Variants in WRN observed in about 807,000 individuals in gnomAD.
The protein encoded by WRN is WRN RecQ like helicase.
WRN carries 149 observed loss-of-function variants against 180.7 expected under a neutral mutation model. That is an observed-to-expected ratio of 0.82 (90% CI 0.72 to 0.94). The LOEUF (loss-of-function observed/expected upper bound fraction) is 0.94. WRN is among the 40% of genes least tolerant of loss of function. The pLI is 0.00. For synonymous variants in WRN, 548 were observed against 568.9 expected (o/e 0.96, Z 0.52); for missense variants, 1,661 against 1,700.1 (o/e 0.98, Z 0.40).
chr8:31,036,055 A>G lies in WRN; in HGVS notation c.-77+2082A>G, dbSNP rs1362608105. On this transcript the variant is annotated intron_variant, in intron 1 of 34. Transcript: ENST00000298139. Reference sequence around the variant, plus strand: ...CCCAGCCTCTGGTAATCACCATTCTACTTACTACCTCAATGACATCAAATT... The same window carrying G: ...CCCAGCCTCTGGTAATCACCATTCTGCTTACTACCTCAATGACATCAAATT... Among the ~76,000 whole-genome samples the G allele has an allele frequency of 3.9e-5, 6 of 152,194 alleles. No homozygotes were observed. The South Asian group carries it at 6.2e-4, about 16-fold the overall frequency.
intron 3 of WRN, among the ~76,000 whole-genome samples, chr8:31,061,859 C>G (rs896157979): frequency 1.6e-4 from 24 of 152,278 alleles, no homozygotes; most frequent in Admixed American, 1.5e-3. Context: ...GTTGTTTGCC[C>G]AGCCCCATAG....
At position 31,174,232 on chromosome 8, in the gene WRN, CAT is replaced by C. The variant is rs1048212888; in HGVS notation, c.*1131_*1132del. Reference sequence around the variant, plus strand: ...AATATGTGATATGTTGTTGTCCAGCCATGGCTTCTGCATTTGCATGCTTTTGT... The same window carrying C: ...AATATGTGATATGTTGTTGTCCAGCCGGCTTCTGCATTTGCATGCTTTTGT... On this transcript the variant is annotated 3_prime_UTR_variant, in exon 35 of 35. Transcript: ENST00000298139. 9.5e-4 allele frequency among the ~76,000 whole-genome samples: 144 copies of C among 152,318 alleles called. 2 individuals are homozygous for C. The highest frequency in any genetic ancestry group is 3.4e-3 in the African/African-American group (142 of 41,566).
chr8:31,054,737 A>G (rs79687893), intron 1 of WRN, among the ~76,000 whole-genome samples: 3,434 of 152,250 alleles, frequency 0.023, 116 homozygotes, highest in African/African-American at 0.076. Context: ...ATGTTTTTTA[A>G]AAACATTAAT....
chr8:31,064,982 A>G lies in WRN; in HGVS notation c.423A>G (p.Glu141=). ...KAVKKAGVGI[E]GDQWKLLRDF... The stretch of plus-strand genomic sequence containing the variant: ...TTAAAAAGGCAGGTGTAGGAATTGA[A>G]GGAGATCAGTGGAAACTTCTACGTG... Residue 141 remains glutamate (E), a synonymous_variant, in exon 5 of 35, where the codon GAA becomes GAG. Transcript: ENST00000298139. The G allele has an allele frequency of 6.2e-7, 1 of 1,613,722 alleles. No individual in the cohort carries two copies. The highest frequency in any genetic ancestry group is 8.5e-7 in the Non-Finnish European group (1 of 1,179,772).
intron 20 of WRN, among the ~76,000 whole-genome samples, chr8:31,117,504 A>T (rs1801568075): frequency 6.6e-6 from 1 of 152,162 alleles, no homozygotes; most frequent in Non-Finnish European, 1.5e-5. Flanking sequence ...AGTGGGTGTC[A>T]TAGAGGATTT....
intron 30 of WRN, among the ~76,000 whole-genome samples, chr8:31,149,387 A>T (rs1480982983): frequency 1.4e-5 from 2 of 144,806 alleles, no homozygotes; most frequent in Non-Finnish European, 3.0e-5. Context: ...ACAGAGCGAG[A>T]CTCCGTCTAA....
chr8:31,150,277 G>C (rs1803065899), intron 30 of WRN, 64 bp from the exon 31 acceptor site: 1 of 1,307,444 alleles, frequency 7.6e-7, no homozygotes, highest in Non-Finnish European at 1.1e-6. Context: ...TATATTGCTG[G>C]AGTGATACTG....
rs776831463 is a variant in WRN at position 31,067,109 on chromosome 8, C to G, written c.581C>G (p.Ser194Cys). 1 of 1,613,956 alleles carries G rather than the reference C, an allele frequency of 6.2e-7. No individual in the cohort carries two copies. Among genetic ancestry groups the G allele is most frequent in the East Asian group, 2.2e-5 (1 of 44,836 alleles). The change falls in exon 6 of 35, where the codon TCT becomes TGT. Residue 194 changes from serine (S) to cysteine (C), a missense_variant. By Grantham distance (112) the Ser-to-Cys change is moderately radical. Around this residue, in one of 3 missense-constraint regions of WRN, gnomAD observed 500 missense variants for 504.1 expected, o/e 0.99. Coordinates refer to ENST00000298139, the MANE Select transcript of WRN (RefSeq NM_000553.6). The part of the protein sequence containing the change: ...LLGKQLLKDK[S>C]IRCSNWSKFP... Reference sequence around the variant, plus strand: ...GGTAAACAGCTCCTGAAAGACAAGTCTATCCGCTGTAGCAATTGGAGTAAA... The same window carrying G: ...GGTAAACAGCTCCTGAAAGACAAGTGTATCCGCTGTAGCAATTGGAGTAAA...
rs973163238 is a variant in WRN, at chr8:31,132,514, T to C, written c.2967+8T>C. On this transcript the variant is annotated splice_region_variant and intron_variant, in intron 24 of 34. Transcript: ENST00000298139. Reference sequence around the variant, plus strand: ...TTATTTCTCCGAGGATCTGTAAGTATATATCTGTGAATTCCCTTCATAGAT... The same window carrying C: ...TTATTTCTCCGAGGATCTGTAAGTACATATCTGTGAATTCCCTTCATAGAT... The C allele has an allele frequency of 6.2e-7, 1 of 1,614,174 alleles. No individual in the cohort carries two copies. Among genetic ancestry groups the C allele is most frequent in the Admixed American group, 1.7e-5 (1 of 60,026 alleles).
chr8:31,048,934 G>A (rs1585391660), intron 1 of WRN, among the ~76,000 whole-genome samples: 1 of 152,132 alleles, frequency 6.6e-6, no homozygotes, highest in East Asian at 1.9e-4. Flanking sequence ...TTAGATGAGT[G>A]TATGAATTTC....
intron 18 of WRN, among the ~76,000 whole-genome samples, chr8:31,101,568 C>G (rs984577853): frequency 6.6e-6 from 1 of 151,988 alleles, no homozygotes; most frequent in African/African-American, 2.4e-5. Flanking sequence ...GGGTGGATCA[C>G]CTGAGGTCAG....
rs556761849 is a variant in WRN, at chr8:31,107,137, G to C, written c.2089-4478G>C. Among the ~76,000 whole-genome samples the C allele has an allele frequency of 3.9e-5, 6 of 152,298 alleles. 1 individual carries two copies. Among genetic ancestry groups the C allele is most frequent in the African/African-American group, 1.4e-4 (6 of 41,554 alleles). On this transcript the variant is annotated intron_variant, in intron 18 of 34. Coordinates refer to ENST00000298139, the MANE Select transcript of WRN (RefSeq NM_000553.6). ...AAGTAATAGCACCAAATGAAATATG[G>C]TATTATGAAGTGGTACAAATAATAT...
intron 34 of WRN, among the ~76,000 whole-genome samples, chr8:31,170,381 A>G (rs1206505618): frequency 7.0e-6 from 1 of 142,672 alleles, no homozygotes; most frequent in Non-Finnish European, 1.6e-5. Context: ...GCTGAGTTTG[A>G]TTATAAATTA....
Position 31,175,862 on chromosome 8 carries a change from A to T in WRN, c.*2760A>T, listed in dbSNP as rs374161362. On this transcript the variant is annotated 3_prime_UTR_variant, in exon 35 of 35. Coordinates refer to ENST00000298139, the MANE Select transcript of WRN (RefSeq NM_000553.6). ...ATGTTTTTTAAAAGTATTTATGTTA[A>T]TGTGTACTTGGTTTACTACTGCTAT... Among the ~76,000 whole-genome samples the T allele has an allele frequency of 3.9e-5, 6 of 152,334 alleles. No homozygotes were observed. In the East Asian group the frequency reaches 7.7e-4, roughly 20 times the overall value.
intron 24 of WRN, among the ~76,000 whole-genome samples, chr8:31,139,456 A>G (rs577027590): frequency 6.6e-6 from 1 of 152,310 alleles, no homozygotes; most frequent in Admixed American, 6.5e-5. Context: ...TATTGTTGAC[A>G]AGGTTCCACT....
chr8:31,044,127 C>T (rs556242658), intron 1 of WRN, among the ~76,000 whole-genome samples: 15 of 151,762 alleles, frequency 9.9e-5, no homozygotes, highest in South Asian at 4.2e-4. Flanking sequence ...CTGCAAGCTC[C>T]GCCTCCCAGG....
intron 26 of WRN, 24 bp downstream of exon 26, chr8:31,141,799 G>C (rs757216333): frequency 6.2e-7 from 1 of 1,601,042 alleles, no homozygotes; most frequent in East Asian, 2.2e-5. Flanking sequence ...TTTTTTTCTT[G>C]TAACTTCTGC....
intron 13 of WRN, 97 bp downstream of exon 13, chr8:31,089,062 A>G: frequency 1.0e-6 from 1 of 984,522 alleles, no homozygotes; most frequent in Non-Finnish European, 1.6e-6. Context: ...CAACAGCACA[A>G]CTTCACTATA....
At chr8:31,165,850 A>G (rs1803835446) in intron 33 of WRN, among the ~76,000 whole-genome samples, 1 of 152,164 alleles carries the variant, frequency 6.6e-6, no homozygotes, top group Non-Finnish European at 1.5e-5. Flanking sequence ...GGGAATTTTG[A>G]TGATACTAGG....
Sources: allele counts gnomAD v4.1 joint callset (sites outside exome capture counted in the v4.1 genomes callset), GRCh38; gene constraint gnomAD v4.1.1; regional missense constraint gnomAD v4.1.1; transcripts MANE v1.5; gene names NCBI Gene and HGNC (gene_info 2026-07-23, HGNC 2026-07-21).